Variants in CCNY observed in about 807,000 individuals in gnomAD.
CCNY encodes cyclin-Y.
In CCNY, 19 loss-of-function variants were observed where a neutral mutation model predicts 42.8. The ratio of observed to expected loss-of-function variants is 0.44; its 90% CI spans 0.31 to 0.65. CCNY has a LOEUF of 0.65. Among genes scored for constraint, CCNY ranks in the 30% least tolerant of loss-of-function variants. The probability of loss-of-function intolerance (pLI) is 0.07; values close to 1 mark genes in which losing one functional copy is unlikely to be tolerated. For synonymous variants in CCNY, 165 were observed against 162.7 expected, an observed-to-expected ratio of 1.01 and a Z score of -0.11; for missense variants, 370 against 437.3, an observed-to-expected ratio of 0.85 and a Z score of 1.37.
At chr10:35,458,733 C>G (rs372553221) in intron 1 of CCNY, among the ~76,000 whole-genome samples, 1 of 152,184 alleles carries the variant, frequency 6.6e-6, no homozygotes, top group East Asian at 1.9e-4. Context: ...CCAAGCCCGT[C>G]CTGAATTGTG....
intron 3 of CCNY, among the ~76,000 whole-genome samples, chr10:35,506,183 T>C (rs1206084268): frequency 6.6e-6 from 1 of 152,200 alleles, no homozygotes; most frequent in African/African-American, 2.4e-5. Flanking sequence ...TTTTAAAATA[T>C]CAGTAAAAAT....
At chr10:35,330,422 A>G (rs1835928691) in intron 3 of CCNY, among the ~76,000 whole-genome samples, 1 of 152,190 alleles carries the variant, frequency 6.6e-6, no homozygotes, top group Non-Finnish European at 1.5e-5. Context: ...TAGGGAGCCA[A>G]GTACACATGA....
chr10:35,416,160 CGTGT>C lies in CCNY; in HGVS notation c.155-67213_155-67210del, dbSNP rs57188309. Among the ~76,000 whole-genome samples, 298 of 144,536 alleles carry C rather than the reference CGTGT, an allele frequency of 2.1e-3. 5 individuals are homozygous for C. The East Asian group carries it at 0.041, about 20-fold the overall frequency. The allele number at this position is 144,536 out of a possible 152,430, so 94.8% of individuals were successfully genotyped here. A position where few individuals can be genotyped will look rare whatever the true frequency, so the allele number is the denominator to read the frequency against. On this transcript the variant is annotated intron_variant, in intron 1 of 9. Coordinates refer to ENST00000374704, the MANE Select transcript of CCNY (RefSeq NM_145012.6). Reference sequence around the variant, plus strand: ...ACCTGATCTGGAAACTTGTGGCACCCGTGTGTGTGTGTGTGTGTGTGTGTGTGTG... The same window carrying C: ...ACCTGATCTGGAAACTTGTGGCACCCGTGTGTGTGTGTGTGTGTGTGTGTG...
intron 1 of CCNY, 82 bp from the exon 2 acceptor site, chr10:35,483,322 G>A: frequency 1.1e-6 from 1 of 920,708 alleles, no homozygotes; most frequent in Non-Finnish European, 1.7e-6. Context: ...GCAATTTAAA[G>A]TTGAAAAATA....
chr10:35,264,142 T>C (rs2095722537), intron 3 of CCNY, among the ~76,000 whole-genome samples: 1 of 152,248 alleles, frequency 6.6e-6, no homozygotes, highest in African/African-American at 2.4e-5. Flanking sequence ...AGTGAACATA[T>C]GTGTGGCACG....
At chr10:35,484,294 T>C (rs1691217294) in intron 2 of CCNY, among the ~76,000 whole-genome samples, 1 of 152,172 alleles carries the variant, frequency 6.6e-6, no homozygotes, top group Non-Finnish European at 1.5e-5. Context: ...GACTAGAAAA[T>C]AACCAAACAT....
chr10:35,248,480 C>T (rs910683396), intron 2 of CCNY, among the ~76,000 whole-genome samples: 3 of 151,840 alleles, frequency 2.0e-5, no homozygotes, highest in African/African-American at 7.3e-5. Flanking sequence ...CCCATCTCTA[C>T]AAAAAATACA....
intron 1 of CCNY, among the ~76,000 whole-genome samples, chr10:35,400,895 G>A (rs1837628884): frequency 6.6e-6 from 1 of 152,154 alleles, no homozygotes; most frequent in African/African-American, 2.4e-5. Flanking sequence ...TTAATAGTAG[G>A]CACACCATGG....
intron 2 of CCNY, among the ~76,000 whole-genome samples, chr10:35,495,619 G>A (rs1468564637): frequency 2.0e-5 from 3 of 152,166 alleles, no homozygotes; most frequent in Admixed American, 1.3e-4. Flanking sequence ...CCCAGATTTC[G>A]AAATAAGAGC....
At chr10:35,415,074 T>A (rs1374033276) in intron 1 of CCNY, among the ~76,000 whole-genome samples, 1 of 152,030 alleles carries the variant, frequency 6.6e-6, no homozygotes, top group Non-Finnish European at 1.5e-5. Context: ...TAGGGGAAGA[T>A]CAGTAGTTTC....
chr10:35,532,272 C>T (rs1230162306), intron 7 of CCNY, among the ~76,000 whole-genome samples: 1 of 152,226 alleles, frequency 6.6e-6, no homozygotes, highest in African/African-American at 2.4e-5. Context: ...AACAGTCATT[C>T]AGGACAAGTC....
chr10:35,265,182 A>C (rs1463508388), intron 3 of CCNY, among the ~76,000 whole-genome samples: 1 of 152,190 alleles, frequency 6.6e-6, no homozygotes, highest in African/African-American at 2.4e-5. Context: ...ATATTTGGGG[A>C]CTGCCTACAA....
intron 2 of CCNY, among the ~76,000 whole-genome samples, chr10:35,249,305 A>G (rs1229114409): frequency 6.6e-6 from 1 of 152,212 alleles, no homozygotes; most frequent in Non-Finnish European, 1.5e-5. Context: ...TTATATTAAT[A>G]TTAACCACTA....
At chr10:35,534,003 ACATTT>A in intron 7 of CCNY, among the ~76,000 whole-genome samples, 1 of 151,106 alleles carries the variant, frequency 6.6e-6, no homozygotes, top group Non-Finnish European at 1.5e-5. Context: ...GAACATTGAC[ACATTT>A]CATTTCATTG....
intron 7 of CCNY, among the ~76,000 whole-genome samples, chr10:35,549,034 C>T (rs895055539): frequency 4.3e-4 from 66 of 151,792 alleles, no homozygotes; most frequent in African/African-American, 1.5e-3. Context: ...AGCAAGAAAC[C>T]ATTAGTCATG....
intron 3 of CCNY, among the ~76,000 whole-genome samples, chr10:35,305,728 A>C (rs1835598443): frequency 6.6e-6 from 1 of 152,192 alleles, no homozygotes; most frequent in Non-Finnish European, 1.5e-5. Flanking sequence ...ACTTCTGGGT[A>C]GATGTCCATT....
Position 35,569,527 on chromosome 10 carries a change from G to C in CCNY, c.*357G>C, listed in dbSNP as rs1217945575. The C allele has an allele frequency of 1.3e-5, 4 of 300,102 alleles. No individual in the cohort carries two copies. The highest frequency in any genetic ancestry group is 2.6e-5 in the Non-Finnish European group (4 of 155,114). The allele number at this position is 300,102 out of a possible 1,614,324, so 18.6% of individuals were successfully genotyped here. On this transcript the variant is annotated 3_prime_UTR_variant, in exon 10 of 10. Transcript: ENST00000374704. ...GGGGCGGTAGCTGAAGTTGGCGAGC[G>C]CAGCGGTGGATGCAGAGCTGGCTGC...
chr10:35,348,193 G>A (rs537655166), intron 1 of CCNY, among the ~76,000 whole-genome samples: 14 of 152,366 alleles, frequency 9.2e-5, no homozygotes, highest in African/African-American at 2.6e-4. Flanking sequence ...CAAAGCTGAT[G>A]TTATTGAAGA....
At chr10:35,478,941 T>C (rs1414121330) in intron 1 of CCNY, among the ~76,000 whole-genome samples, 6 of 152,130 alleles carry the variant, frequency 3.9e-5, no homozygotes, top group Admixed American at 6.5e-5. Flanking sequence ...AAAAAGTGGG[T>C]GAAGGACATG....
Sources: allele counts gnomAD v4.1 joint callset (sites outside exome capture counted in the v4.1 genomes callset), GRCh38; gene constraint gnomAD v4.1.1; transcripts MANE v1.5; gene names NCBI Gene and HGNC (gene_info 2026-07-23, HGNC 2026-07-21).